Variants in LAMC1 observed in about 807,000 individuals in gnomAD.
LAMC1 encodes the protein laminin subunit gamma 1, also known as laminin subunit gamma-1.
Under a neutral mutation model 173.6 loss-of-function variants are expected in LAMC1, and 38 were observed. That is an observed-to-expected ratio of 0.22 (90% CI 0.17 to 0.29). The LOEUF is 0.29. Among genes scored for constraint, LAMC1 ranks in the 10% least tolerant of loss-of-function variants. The pLI, the probability that LAMC1 is intolerant of heterozygous loss-of-function variation, is 1.00. For missense variants in LAMC1, 1,824 were observed against 2,051.8 expected, an observed-to-expected ratio of 0.89 and a Z score of 2.14; for synonymous variants, 746 against 749.1, an observed-to-expected ratio of 1.00 and a Z score of 0.07.
At chr1:183,041,890 A>T (rs1309263765) in intron 1 of LAMC1, among the ~76,000 whole-genome samples, 2 of 152,200 alleles carry the variant, frequency 1.3e-5, no homozygotes, top group Non-Finnish European at 2.9e-5. Context: ...CTATGGACAC[A>T]GAATGCAGAT....
intron 1 of LAMC1, among the ~76,000 whole-genome samples, chr1:183,048,941 A>G (rs1056104426): frequency 8.5e-5 from 13 of 152,218 alleles, no homozygotes; most frequent in Non-Finnish European, 1.6e-4. Flanking sequence ...GTTACCTAGT[A>G]TTAACATTGT....
At chr1:183,112,010 G>T (rs10797841) in intron 4 of LAMC1, among the ~76,000 whole-genome samples, 1 of 151,912 alleles carries the variant, frequency 6.6e-6, no homozygotes, top group African/African-American at 2.4e-5. Flanking sequence ...CTGCACTCCA[G>T]CCTGGGCAAC....
At chr1:183,130,268 A>G (rs1656744786) in intron 18 of LAMC1, 76 bp from the exon 19 acceptor site, 1 of 1,272,878 alleles carries the variant, frequency 7.9e-7, no homozygotes. Flanking sequence ...AGAGATACAT[A>G]GGGCCTCAGA....
intron 4 of LAMC1, among the ~76,000 whole-genome samples, chr1:183,111,015 G>A (rs540119586): frequency 7.9e-5 from 12 of 151,974 alleles, no homozygotes; most frequent in Non-Finnish European, 1.2e-4. Context: ...CAATGCTCAG[G>A]CATCCAAGGT....
At position 183,117,185 on chromosome 1, in the gene LAMC1, C is replaced by G. The variant is rs1382429473; in HGVS notation, c.1565-135C>G. 6.9e-6 allele frequency: 6 copies of G among 875,012 alleles called. No homozygotes were observed. The East Asian group carries it at 1.3e-4, about 18-fold the overall frequency. 54.2% of individuals were successfully genotyped at this position (875,012 alleles called of 1,614,324 possible). On this transcript the variant is annotated intron_variant, in intron 8 of 27. Coordinates refer to ENST00000258341, the MANE Select transcript of LAMC1 (RefSeq NM_002293.4). ...GCATATATTGGTACTGTTGTAGGAT[C>G]CATTTATTCAAAAAGGTTTATTGAT... is the stretch of plus-strand genomic sequence containing the variant.
In LAMC1 at chr1:183,136,719, T is replaced by C. The variant is rs1000490886; in HGVS notation, c.4314+134T>C. 6 of 689,980 alleles carry C rather than the reference T, an allele frequency of 8.7e-6. No homozygotes were observed. In the Admixed American group the frequency reaches 2.1e-4, roughly 25 times the overall value. 42.7% of individuals were successfully genotyped at this position (689,980 alleles called of 1,614,324 possible). ...GTAAAATTGTCTTAAACCATATTTGTCTTTTTTTTTTTCTTTTGACTAGGC... is the reference window on the plus strand; with the variant it reads ...GTAAAATTGTCTTAAACCATATTTGCCTTTTTTTTTTTCTTTTGACTAGGC... On this transcript the variant is annotated intron_variant, in intron 25 of 27. Transcript: ENST00000258341.
chr1:183,080,458 T>A (rs943233838), intron 1 of LAMC1, among the ~76,000 whole-genome samples: 1 of 151,884 alleles, frequency 6.6e-6, no homozygotes, highest in Non-Finnish European at 1.5e-5. Context: ...TGGGGCAGGG[T>A]GAGGTAGTGG....
rs575791539 is a variant in LAMC1, at chr1:183,039,912, T to C, written c.418+15778T>C. 1.5e-3 allele frequency among the ~76,000 whole-genome samples: 226 copies of C among 152,356 alleles called. 1 individual carries two copies. Among genetic ancestry groups the C allele is most frequent in the African/African-American group, 5.3e-3 (219 of 41,582 alleles). ...TGGGGAAAGGTAGGTATCTGCTTTT[T>C]GGATTGGGAAATAGAATAGGTATTA... On this transcript the variant is annotated intron_variant, in intron 1 of 27. Transcript: ENST00000258341.
At chr1:183,058,151 C>T (rs923975468) in intron 1 of LAMC1, among the ~76,000 whole-genome samples, 7 of 152,132 alleles carry the variant, frequency 4.6e-5, no homozygotes, top group African/African-American at 1.7e-4. Flanking sequence ...CATTTCTGTT[C>T]TAAATGTAGT....
At chr1:183,064,038 A>G (rs1333283177) in intron 1 of LAMC1, among the ~76,000 whole-genome samples, 1 of 152,190 alleles carries the variant, frequency 6.6e-6, no homozygotes, top group Non-Finnish European at 1.5e-5. Context: ...TGTATTAGGT[A>G]TTGTGAAGCA....
intron 1 of LAMC1, among the ~76,000 whole-genome samples, chr1:183,026,505 A>G (rs1379477181): frequency 6.6e-6 from 1 of 151,844 alleles, no homozygotes; most frequent in African/African-American, 2.4e-5. Context: ...GTGTGTTTTG[A>G]TGTTTAGCAT....
At chr1:183,097,418 A>G (rs1181816858) in intron 1 of LAMC1, among the ~76,000 whole-genome samples, 1 of 152,216 alleles carries the variant, frequency 6.6e-6, no homozygotes. Context: ...ATACTTTAGA[A>G]TGAACTAGTT....
intron 1 of LAMC1, among the ~76,000 whole-genome samples, chr1:183,061,710 A>C (rs1654749942): frequency 6.6e-6 from 1 of 152,248 alleles, no homozygotes; most frequent in African/African-American, 2.4e-5. Flanking sequence ...AATTTAAATG[A>C]TTCTAGTTAA....
At chr1:183,138,192 C>T in intron 26 of LAMC1, 3 of 969,620 alleles carry the variant, frequency 3.1e-6, no homozygotes, top group Non-Finnish European at 3.7e-6. Context: ...CTCCCAGCAC[C>T]TTTAGAGACA....
At chr1:183,052,474 C>T (rs567727644) in intron 1 of LAMC1, among the ~76,000 whole-genome samples, 1 of 152,244 alleles carries the variant, frequency 6.6e-6, no homozygotes, top group Admixed American at 6.5e-5. Flanking sequence ...GCTGGGATTA[C>T]AGGCATGCGC....
In LAMC1 at chr1:183,116,617, A is replaced by C; in HGVS notation, c.1369A>C (p.Asn457His). 1 of 1,613,264 alleles carries C rather than the reference A, an allele frequency of 6.2e-7. No homozygotes were observed. The highest frequency in any genetic ancestry group is 8.5e-7 in the Non-Finnish European group (1 of 1,179,212). ...TCCCTCTGGCAGCATAGATGAATGT[A>C]ATATTGAAACAGGAAGATGTGTTTG... Reference protein sequence around the residue: ...CDPSGSIDECNIETGRCVCKD... With the variant: ...CDPSGSIDECHIETGRCVCKD... Residue 457 changes from asparagine (N) to histidine (H), a missense_variant, in exon 7 of 28, where the codon AAT becomes CAT. Asn to His is a moderately conservative substitution (Grantham distance 68). Transcript: ENST00000258341.
chr1:183,075,776 G>A (rs1040188344), intron 1 of LAMC1, among the ~76,000 whole-genome samples: 1 of 152,144 alleles, frequency 6.6e-6, no homozygotes, highest in African/African-American at 2.4e-5. Context: ...TTCAAGTGTT[G>A]TGTTAGTTTG....
chr1:183,073,577 T>C (rs1412140346), intron 1 of LAMC1, among the ~76,000 whole-genome samples: 1 of 152,184 alleles, frequency 6.6e-6, no homozygotes, highest in Non-Finnish European at 1.5e-5. Flanking sequence ...GGTAACCCAG[T>C]GGGCACTCAA....
chr1:183,141,426 A>T (rs1657111001), intron 27 of LAMC1: 1 of 152,258 alleles, frequency 6.6e-6, no homozygotes, highest in African/African-American at 2.4e-5. Flanking sequence ...CAAAAGAGAG[A>T]AAAACCTTGA....
Sources: allele counts gnomAD v4.1 joint callset (sites outside exome capture counted in the v4.1 genomes callset), GRCh38; gene constraint gnomAD v4.1.1; transcripts MANE v1.5; gene names NCBI Gene and HGNC (gene_info 2026-07-23, HGNC 2026-07-21).